ASTN2: variants seen among roughly 807,000 people sequenced by gnomAD.
ASTN2 encodes astrotactin-2.
ASTN2 carries 54 observed loss-of-function variants against 139.8 expected under a neutral mutation model. That is an observed-to-expected ratio of 0.39 (90% CI 0.31 to 0.48). The LOEUF (loss-of-function observed/expected upper bound fraction) is 0.48, where lower values mean the gene tolerates loss of function less well. Among genes scored for constraint, ASTN2 ranks in the 20% least tolerant of loss-of-function variants. ASTN2 has a pLI of 0.95. For synonymous variants in ASTN2, 756 were observed against 719.5 expected, an observed-to-expected ratio of 1.05 and a Z score of -0.81; for missense variants, 1,565 against 1,725.1, an observed-to-expected ratio of 0.91 and a Z score of 1.64.
At chr9:116,710,729 G>A (rs112291177) in intron 16 of ASTN2, among the ~76,000 whole-genome samples, 5,099 of 51,976 alleles carry the variant, frequency 0.098, 354 homozygotes, top group African/African-American at 0.29. Flanking sequence ...GTGAAACTCC[G>A]TCTCAAAAAA....
chr9:117,149,772 G>A (rs1414364557), intron 3 of ASTN2, among the ~76,000 whole-genome samples: 1 of 152,118 alleles, frequency 6.6e-6, no homozygotes, highest in Non-Finnish European at 1.5e-5. Context: ...AATGCTTCAT[G>A]ACTAGAATAA....
intron 6 of ASTN2, among the ~76,000 whole-genome samples, chr9:117,020,945 C>T (rs541720171): frequency 2.0e-5 from 3 of 152,194 alleles, no homozygotes; most frequent in South Asian, 2.1e-4. Context: ...TCTCCAGTGG[C>T]GCTTCAGGTT....
At chr9:117,274,457 G>A (rs1168661432) in intron 2 of ASTN2, among the ~76,000 whole-genome samples, 1 of 152,192 alleles carries the variant, frequency 6.6e-6, no homozygotes, top group Non-Finnish European at 1.5e-5. Context: ...TTCTTGGGAG[G>A]CTACCAGTAA....
intron 13 of ASTN2, among the ~76,000 whole-genome samples, chr9:116,787,697 T>C (rs1830410357): frequency 6.6e-6 from 1 of 152,220 alleles, no homozygotes; most frequent in African/African-American, 2.4e-5. Context: ...CCTTCCTCTA[T>C]TGCAATAGCC....
chr9:117,219,389 G>T (rs1407205273), intron 2 of ASTN2, among the ~76,000 whole-genome samples: 1 of 152,170 alleles, frequency 6.6e-6, no homozygotes, highest in Non-Finnish European at 1.5e-5. Flanking sequence ...ATGCTGCACG[G>T]CAAAAGGGGA....
At chr9:116,537,509 T>C (rs1268715332) in intron 19 of ASTN2, among the ~76,000 whole-genome samples, 1 of 152,228 alleles carries the variant, frequency 6.6e-6, no homozygotes, top group Non-Finnish European at 1.5e-5. Context: ...GTGTAATGTA[T>C]ACATGTGGTA....
intron 19 of ASTN2, among the ~76,000 whole-genome samples, chr9:116,517,821 ACTT>A (rs1250890115): frequency 2.6e-5 from 4 of 152,170 alleles, no homozygotes; most frequent in African/African-American, 9.7e-5. Flanking sequence ...AACAATCACA[ACTT>A]CTGGAAATCA....
intron 11 of ASTN2, among the ~76,000 whole-genome samples, chr9:116,830,076 T>C (rs375913374): frequency 7.2e-5 from 11 of 152,238 alleles, no homozygotes; most frequent in African/African-American, 2.4e-4. Context: ...TATTCACAGA[T>C]TGTGCACTCG....
chr9:117,078,481 A>G (rs1828337713), intron 5 of ASTN2, among the ~76,000 whole-genome samples: 1 of 152,236 alleles, frequency 6.6e-6, no homozygotes, highest in South Asian at 2.1e-4. Context: ...TTAAAAAATA[A>G]AAACAAAAAT....
chr9:116,880,207 A>AT (rs1174766153), intron 10 of ASTN2, among the ~76,000 whole-genome samples: 1 of 152,220 alleles, frequency 6.6e-6, no homozygotes, highest in Non-Finnish European at 1.5e-5. Flanking sequence ...TATGTTTGTA[A>AT]TAGAAAGAAA....
chr9:116,584,583 C>T (rs1017313693), intron 19 of ASTN2: 1 of 152,080 alleles, frequency 6.6e-6, no homozygotes, highest in Non-Finnish European at 1.5e-5. Flanking sequence ...TAAAAAAATA[C>T]AACTAGCATT....
chr9:117,131,620 T>C (rs765277927), intron 4 of ASTN2, among the ~76,000 whole-genome samples: 3 of 152,206 alleles, frequency 2.0e-5, no homozygotes, highest in Non-Finnish European at 4.4e-5. Flanking sequence ...CTAAGGTTAC[T>C]GCCTGGAGGC....
chr9:117,307,240 G>A (rs898100676), intron 1 of ASTN2, among the ~76,000 whole-genome samples: 9 of 152,140 alleles, frequency 5.9e-5, no homozygotes, highest in Admixed American at 5.2e-4. Flanking sequence ...CTCCTCCTAT[G>A]CACAAACATA....
intron 1 of ASTN2, among the ~76,000 whole-genome samples, chr9:117,318,277 C>T (rs1355433977): frequency 6.6e-6 from 1 of 152,110 alleles, no homozygotes; most frequent in Non-Finnish European, 1.5e-5. Flanking sequence ...AATGTCCATC[C>T]TTATCACTAA....
chr9:117,275,648 C>T (rs1834169178), intron 2 of ASTN2, among the ~76,000 whole-genome samples: 2 of 150,978 alleles, frequency 1.3e-5, no homozygotes, highest in Non-Finnish European at 1.5e-5. Flanking sequence ...TCACTGCAAC[C>T]TCCGCCTCCC....
At chr9:117,365,884 G>C (rs1222697000) in intron 1 of ASTN2, among the ~76,000 whole-genome samples, 1 of 152,182 alleles carries the variant, frequency 6.6e-6, no homozygotes, top group African/African-American at 2.4e-5. Context: ...TCTTATTGCT[G>C]TTTGTAGGTG....
chr9:117,240,111 T>G (rs1833163088), intron 2 of ASTN2, among the ~76,000 whole-genome samples: 1 of 152,226 alleles, frequency 6.6e-6, no homozygotes, highest in Non-Finnish European at 1.5e-5. Context: ...AGTTTCATAC[T>G]TTTTTAAAAT....
At chr9:116,462,442 C>A (rs1460165099) in intron 20 of ASTN2, among the ~76,000 whole-genome samples, 3 of 152,154 alleles carry the variant, frequency 2.0e-5, no homozygotes, top group Non-Finnish European at 4.4e-5. Flanking sequence ...CTTTGGGAAT[C>A]CCTGTCTTAA....
In ASTN2 at chr9:116,698,155, T is replaced by G. The variant is rs918796736; in HGVS notation, c.2806+27616A>C. 4 of 1,614,114 alleles carry G rather than the reference T, an allele frequency of 2.5e-6. No individual in the cohort carries two copies. Among genetic ancestry groups the G allele is most frequent in the Non-Finnish European group, 3.4e-6 (4 of 1,180,022 alleles). On this transcript the variant is annotated intron_variant, in intron 16 of 22. Transcript: ENST00000313400. This position sits in a 1 kb window ranked among gnomAD's most constrained non-coding sequence, Gnocchi z 4.4. ...CCTCCTGGCCACTGTACACTCCCTGTCAAAGAAGCAGCTGAGGAGCGGCGT... is the reference window on the plus strand; with the variant it reads ...CCTCCTGGCCACTGTACACTCCCTGGCAAAGAAGCAGCTGAGGAGCGGCGT...
Sources: gnomAD v4.1 joint callset for allele counts (sites outside exome capture counted in the v4.1 genomes callset) on GRCh38, gnomAD v4.1.1 for gene constraint, Gnocchi (gnomAD v3.1) non-coding constraint, MANE v1.5 for transcripts, NCBI Gene and HGNC (gene_info 2026-07-23, HGNC 2026-07-21) for gene names.